Variants in KLHL2 observed in about 807,000 individuals in gnomAD.
KLHL2 encodes kelch like family member 2.
In KLHL2, 15 loss-of-function variants were observed where a neutral mutation model predicts 75.8. The ratio of observed to expected loss-of-function variants is 0.20; its 90% CI spans 0.13 to 0.30. The LOEUF (loss-of-function observed/expected upper bound fraction) is 0.30, where lower values mean the gene tolerates loss of function less well. KLHL2 is among the 10% of genes least tolerant of loss of function. The probability of loss-of-function intolerance (pLI) is 1.00; values close to 1 mark genes in which losing one functional copy is unlikely to be tolerated. For missense variants in KLHL2, 381 were observed against 741.0 expected, an observed-to-expected ratio of 0.51 and a Z score of 5.64; for synonymous variants, 214 against 251.9, an observed-to-expected ratio of 0.85 and a Z score of 1.42.
chr4:165,263,763 G>GT (rs1741900966), intron 5 of KLHL2, among the ~76,000 whole-genome samples: 1 of 141,010 alleles, frequency 7.1e-6, no homozygotes, highest in Admixed American at 7.3e-5. Flanking sequence ...ATATGAGAAA[G>GT]TATATGCATG....
chr4:165,248,435 T>C (rs1395225134), intron 4 of KLHL2, among the ~76,000 whole-genome samples: 1 of 152,112 alleles, frequency 6.6e-6, no homozygotes, highest in East Asian at 1.9e-4. Flanking sequence ...AAAAAAGTCA[T>C]CTGTAAATGA....
intron 1 of KLHL2, among the ~76,000 whole-genome samples, chr4:165,211,801 G>A (rs1737217616): frequency 6.6e-6 from 1 of 152,294 alleles, no homozygotes; most frequent in Middle Eastern, 3.4e-3. Flanking sequence ...CATTTATGTA[G>A]TAGTTTAAAA....
intron 5 of KLHL2, among the ~76,000 whole-genome samples, chr4:165,286,777 A>G (rs1260859857): frequency 3.9e-5 from 6 of 152,360 alleles, no homozygotes; most frequent in African/African-American, 1.4e-4. Context: ...ACAGCAGCCA[A>G]ACATAGGGAT....
At chr4:165,259,303 A>C (rs1327069400) in intron 4 of KLHL2, among the ~76,000 whole-genome samples, 2 of 152,138 alleles carry the variant, frequency 1.3e-5, no homozygotes, top group African/African-American at 4.8e-5. Flanking sequence ...AGGTTTTGCT[A>C]TGTTGGCCAG....
chr4:165,232,737 C>T (rs895140145), intron 3 of KLHL2, among the ~76,000 whole-genome samples: 1 of 151,788 alleles, frequency 6.6e-6, no homozygotes, highest in Non-Finnish European at 1.5e-5. Context: ...AGAATATGAC[C>T]CTGTCTCAAA....
chr4:165,294,293 A>T, intron 5 of KLHL2, 66 bp from the exon 6 acceptor site: 2 of 894,630 alleles, frequency 2.2e-6, no homozygotes, highest in Non-Finnish European at 3.6e-6. Context: ...AACCTTTTTT[A>T]AGCAGTTTGA....
rs1309893141 is a variant in KLHL2, at chr4:165,319,323, C to T, written c.1753+1354C>T. On this transcript the variant is annotated intron_variant, in intron 14 of 14. Transcript: ENST00000226725. This position sits in a 1 kb window ranked among gnomAD's most constrained non-coding sequence, Gnocchi z 4.5. ...GCAATATCATAAACCTTGAATAATACCATGGGACCCATACAAAGTGCCACC... is the reference window on the plus strand; with the variant it reads ...GCAATATCATAAACCTTGAATAATATCATGGGACCCATACAAAGTGCCACC... Among the ~76,000 whole-genome samples the T allele has an allele frequency of 6.6e-6, 1 of 152,130 alleles. No homozygotes were observed. The highest frequency in any genetic ancestry group is 1.5e-5 in the Non-Finnish European group (1 of 68,018).
chr4:165,272,395 T>C (rs1280475927), intron 5 of KLHL2, among the ~76,000 whole-genome samples: 10 of 152,296 alleles, frequency 6.6e-5, no homozygotes, highest in African/African-American at 2.4e-4. Context: ...AAAATATTAC[T>C]TCTAAATTCA....
intron 6 of KLHL2, among the ~76,000 whole-genome samples, chr4:165,294,812 A>G (rs573947955): frequency 7.9e-5 from 12 of 152,212 alleles, no homozygotes; most frequent in Admixed American, 3.9e-4. Flanking sequence ...GTTTCTTCCT[A>G]CAACTCAATG....
chr4:165,311,429 G>T lies in KLHL2; in HGVS notation c.1238-35G>T. ...ATATATGAACTATTGACATTTTTTA[G>T]AGAAGGAAATGAAGACTATTGTGCT... is the stretch of plus-strand genomic sequence containing the variant. On this transcript the variant is annotated intron_variant, in intron 10 of 14. Transcript: ENST00000226725. The T allele has an allele frequency of 2.1e-6, 3 of 1,453,510 alleles. No individual in the cohort carries two copies. In the South Asian group the frequency reaches 3.5e-5, roughly 17 times the overall value. The allele number at this position is 1,453,510 out of a possible 1,614,324, so 90.0% of individuals were successfully genotyped here.
At chr4:165,263,085 A>G (rs1741828734) in intron 4 of KLHL2, 112 bp from the exon 5 acceptor site, 1 of 800,732 alleles carries the variant, frequency 1.2e-6, no homozygotes, top group Non-Finnish European at 2.0e-6. Context: ...ATATGGGGGT[A>G]TGGACGCAGA....
At chr4:165,274,645 C>T (rs1189008477) in intron 5 of KLHL2, among the ~76,000 whole-genome samples, 1 of 151,372 alleles carries the variant, frequency 6.6e-6, no homozygotes, top group Non-Finnish European at 1.5e-5. Flanking sequence ...ACTCTCTATC[C>T]TTTGAAAACT....
chr4:165,281,250 G>C (rs1337709495), intron 5 of KLHL2, among the ~76,000 whole-genome samples: 4 of 150,204 alleles, frequency 2.7e-5, no homozygotes, highest in African/African-American at 9.8e-5. Context: ...GACTTATATT[G>C]TTGATTTTAT....
chr4:165,263,403 G>T (rs1741861109), intron 5 of KLHL2, 44 bp downstream of exon 5: 1 of 1,600,480 alleles, frequency 6.2e-7, no homozygotes, highest in African/African-American at 1.3e-5. Flanking sequence ...GAAACTGCTT[G>T]GTTTTTGATA....
At chr4:165,220,294 A>C (rs1737882323) in intron 2 of KLHL2, among the ~76,000 whole-genome samples, 2 of 152,176 alleles carry the variant, frequency 1.3e-5, no homozygotes, top group South Asian at 4.1e-4. Flanking sequence ...TAGTCTGATG[A>C]GATAGTTTGG....
chr4:165,263,805 G>GTTT (rs55901119), intron 5 of KLHL2, among the ~76,000 whole-genome samples: 36 of 66,500 alleles, frequency 5.4e-4, no homozygotes, highest in Non-Finnish European at 8.0e-4. Flanking sequence ...TTTTTACATT[G>GTTT]TTTTTTTTTT....
intron 2 of KLHL2, among the ~76,000 whole-genome samples, chr4:165,227,151 G>C (rs1288560833): frequency 6.6e-6 from 1 of 152,074 alleles, no homozygotes; most frequent in Non-Finnish European, 1.5e-5. Flanking sequence ...ATAAATTAGT[G>C]ATACTGTGCC....
intron 5 of KLHL2, among the ~76,000 whole-genome samples, chr4:165,288,500 A>C (rs1426573455): frequency 6.6e-6 from 1 of 152,212 alleles, no homozygotes; most frequent in Non-Finnish European, 1.5e-5. Flanking sequence ...CCACTGAAAA[A>C]ATGCATTCTC....
intron 5 of KLHL2, among the ~76,000 whole-genome samples, chr4:165,283,723 C>T (rs1396490538): frequency 6.6e-6 from 1 of 152,178 alleles, no homozygotes; most frequent in South Asian, 2.1e-4. Context: ...CTAGGCAGTA[C>T]CCCAGTAGGG....
Sources: allele counts gnomAD v4.1 joint callset (sites outside exome capture counted in the v4.1 genomes callset), GRCh38; gene constraint gnomAD v4.1.1; non-coding constraint Gnocchi (gnomAD v3.1); transcripts MANE v1.5; gene names NCBI Gene and HGNC (gene_info 2026-07-23, HGNC 2026-07-21).